The following DDB1 variants were observed in gnomAD, a reference collection of about 807,000 sequenced individuals.
DDB1 encodes the protein damage specific DNA binding protein 1, also known as DNA damage-binding protein 1.
DDB1 carries 18 observed loss-of-function variants against 133.1 expected under a neutral mutation model. The observed-to-expected ratio is 0.14, with a 90% CI of 0.09 to 0.20. The LOEUF is 0.20. DDB1 is among the 10% of genes least tolerant of loss of function. The pLI is 1.00. For missense variants in DDB1, 828 were observed against 1,459.2 expected, an observed-to-expected ratio of 0.57 and a Z score of 7.05; for synonymous variants, 580 against 550.5, an observed-to-expected ratio of 1.05 and a Z score of -0.75.
intron 21 of DDB1, among the ~76,000 whole-genome samples, chr11:61,305,977 T>G (rs1855875604): frequency 6.6e-6 from 1 of 152,268 alleles, no homozygotes; most frequent in Admixed American, 6.5e-5. Flanking sequence ...TGCTAATATT[T>G]TAGATATTGG....
intron 26 of DDB1, 134 bp downstream of exon 26, chr11:61,300,675 C>T (rs1855778322): frequency 2.2e-6 from 3 of 1,393,536 alleles, no homozygotes; most frequent in East Asian, 2.3e-5. Context: ...CTCCACCTTC[C>T]ATCTGGTAAG....
chr11:61,332,976 C>T lies in DDB1; in HGVS notation c.-8G>A, dbSNP rs1458523813. The T allele has an allele frequency of 1.3e-6, 2 of 1,505,962 alleles. No homozygotes were observed. The highest frequency in any genetic ancestry group is 2.5e-5 in the South Asian group (2 of 80,800). The allele number at this position is 1,505,962 out of a possible 1,614,324, so 93.3% of individuals were successfully genotyped here. On this transcript the variant is annotated 5_prime_UTR_variant, in exon 1 of 27. Coordinates refer to ENST00000301764, the MANE Select transcript of DDB1 (RefSeq NM_001923.5). ...CACGTAGTTGTACGACATGTCGAGG[C>T]TTGGAGCGGCCCGTCGGGACTCGAG... is the stretch of plus-strand genomic sequence containing the variant.
chr11:61,316,400 C>G lies in DDB1; in HGVS notation c.1302-7G>C, dbSNP rs376001303. On this transcript the variant is annotated splice_polypyrimidine_tract_variant and splice_region_variant and intron_variant, in intron 11 of 26. Transcript: ENST00000301764. Reference sequence around the variant, plus strand: ...TCCATTTAACATGAGAACTCTGCAGCAGAATGGAGGGCCTGGGTCAGCCTG... The same window carrying G: ...TCCATTTAACATGAGAACTCTGCAGGAGAATGGAGGGCCTGGGTCAGCCTG... 2 of 1,613,862 alleles carry G rather than the reference C, an allele frequency of 1.2e-6. No individual in the cohort carries two copies. The highest frequency in any genetic ancestry group is 1.7e-5 in the Admixed American group (1 of 60,018).
chr11:61,302,762 G>A lies in DDB1; in HGVS notation c.2943-11C>T, dbSNP rs1303453449. The A allele has an allele frequency of 6.2e-7, 1 of 1,614,022 alleles. No homozygotes were observed. Among genetic ancestry groups the A allele is most frequent in the Admixed American group, 1.7e-5 (1 of 60,024 alleles). Reference sequence around the variant, plus strand: ...TCAGTGGTGGCAGCGCTGAAAGGCGGTAAGAAAGTCACTTTCTGAACCTCC... The same window carrying A: ...TCAGTGGTGGCAGCGCTGAAAGGCGATAAGAAAGTCACTTTCTGAACCTCC... On this transcript the variant is annotated splice_polypyrimidine_tract_variant and intron_variant, in intron 23 of 26. Transcript: ENST00000301764.
intron 18 of DDB1, among the ~76,000 whole-genome samples, 156 bp downstream of exon 18, chr11:61,311,628 C>T (rs1378490111): frequency 6.6e-6 from 1 of 152,158 alleles, no homozygotes; most frequent in Non-Finnish European, 1.5e-5. Context: ...TCACCTGTTG[C>T]CTACAGCTGC....
At chr11:61,325,556 A>G in intron 6 of DDB1, 55 bp downstream of exon 6, 1 of 1,423,402 alleles carries the variant, frequency 7.0e-7, no homozygotes, top group Non-Finnish European at 9.8e-7. Context: ...GGGAGGAGCA[A>G]GGTGAGGACA....
At chr11:61,311,713 A>C in intron 18 of DDB1, 71 bp downstream of exon 18, 1 of 1,384,978 alleles carries the variant, frequency 7.2e-7, no homozygotes, top group Non-Finnish European at 9.9e-7. Context: ...GAAAGCCTTC[A>C]CTACCTGGCC....
intron 7 of DDB1, 118 bp downstream of exon 7, chr11:61,323,861 C>G: frequency 1.8e-6 from 2 of 1,135,844 alleles, no homozygotes; most frequent in Non-Finnish European, 2.6e-6. Flanking sequence ...GCAGGAACAA[C>G]AGTTTGTTGT....
chr11:61,301,182 G>A lies in DDB1; in HGVS notation c.3216-250C>T, dbSNP rs142370481. 1.3e-5 allele frequency: 6 copies of A among 466,978 alleles called. No individual in the cohort carries two copies. The East Asian group carries it at 2.2e-4, about 17-fold the overall frequency. The allele number at this position is 466,978 out of a possible 1,614,324, so 28.9% of individuals were successfully genotyped here. On this transcript the variant is annotated intron_variant, in intron 25 of 26. Transcript: ENST00000301764. ...AAAGTACAGATCAGAGTCTATTAAT[G>A]TGAAGCCCGTATATGTATGGAAGTT... is the stretch of plus-strand genomic sequence containing the variant.
chr11:61,329,507 G>A lies in DDB1; in HGVS notation c.405C>T (p.Leu135=), dbSNP rs775484527. The change falls in exon 4 of 27, where the codon CTC becomes CTT. Residue 135 remains leucine (L), a synonymous_variant. Transcript: ENST00000301764. The part of the protein sequence containing the change: ...DPECRMIGLR[L]YDGLFKVIPL... ...GAATAACCTTGAAAAGGCCATCATA[G>A]AGACGCAGGCCAATCATCCGGCACT... 8 of 1,614,058 alleles carry A rather than the reference G, an allele frequency of 5.0e-6. No individual in the cohort carries two copies. The Admixed American group carries it at 1.3e-4, about 27-fold the overall frequency.
Position 61,309,792 on chromosome 11 carries a change from T to C in DDB1, c.2566+4A>G. On this transcript the variant is annotated splice_donor_region_variant and intron_variant, in intron 20 of 26. Transcript: ENST00000301764. ...CTCAGAAACTGGAGACTGCGCCCAC[T>C]TACCATCCGAATACTGAAAGACCAC... The C allele has an allele frequency of 1.9e-6, 3 of 1,610,662 alleles. No homozygotes were observed. The highest frequency in any genetic ancestry group is 1.7e-6 in the Non-Finnish European group (2 of 1,178,008).
chr11:61,305,376 G>A (rs1247334208), intron 21 of DDB1, among the ~76,000 whole-genome samples: 11 of 152,118 alleles, frequency 7.2e-5, no homozygotes, highest in East Asian at 3.9e-4. Context: ...GCATTGTGAC[G>A]TGTGCCTGTA....
At chr11:61,300,976 C>G in intron 25 of DDB1, 44 bp from the exon 26 acceptor site, 1 of 1,610,744 alleles carries the variant, frequency 6.2e-7, no homozygotes, top group Non-Finnish European at 8.5e-7. Context: ...AGGAAACACC[C>G]TCCTCAGTCA....
chr11:61,309,241 T>C (rs1418509722), intron 20 of DDB1, among the ~76,000 whole-genome samples, 164 bp from the exon 21 acceptor site: 5 of 152,000 alleles, frequency 3.3e-5, no homozygotes, highest in African/African-American at 1.2e-4. Context: ...CCACGTGAAG[T>C]ATGAGCCCCA....
In DDB1 at chr11:61,321,692, G is replaced by A; in HGVS notation, c.1128C>T (p.Val376=). Residue 376 remains valine (V), a synonymous_variant, in exon 10 of 27, where the codon GTC becomes GTT. Coordinates refer to ENST00000301764, the MANE Select transcript of DDB1 (RefSeq NM_001923.5). ...CTTCCTTGAAAGCCCCAGAGCAAGT[G>A]ACCAGCTGCAAGCAGAGAAAACGTT... is the stretch of plus-strand genomic sequence containing the variant. ...DLERQGQGQL[V]TCSGAFKEGS... 2 of 1,614,112 alleles carry A rather than the reference G, an allele frequency of 1.2e-6. No homozygotes were observed. Among genetic ancestry groups the A allele is most frequent in the Non-Finnish European group, 1.7e-6 (2 of 1,180,014 alleles).
chr11:61,302,873 G>A, intron 23 of DDB1, 122 bp from the exon 24 acceptor site: 1 of 1,373,826 alleles, frequency 7.3e-7, no homozygotes, highest in Non-Finnish European at 1.0e-6. Context: ...CTCCACAGTA[G>A]GGGAGCCAGT....
At chr11:61,323,828 T>G in intron 7 of DDB1, 151 bp downstream of exon 7, 1 of 782,080 alleles carries the variant, frequency 1.3e-6, no homozygotes, top group Admixed American at 2.4e-5. Context: ...AATACCTAAC[T>G]CATTCAACAG....
intron 21 of DDB1, among the ~76,000 whole-genome samples, chr11:61,306,079 A>G (rs977032464): frequency 2.6e-5 from 4 of 152,220 alleles, no homozygotes; most frequent in Non-Finnish European, 5.9e-5. Context: ...CATCGCTCAT[A>G]TAATATTTCT....
At chr11:61,327,002 A>G in intron 4 of DDB1, 109 bp from the exon 5 acceptor site, 2 of 765,394 alleles carry the variant, frequency 2.6e-6, no homozygotes, top group South Asian at 3.2e-5. Context: ...CAGTCCTGTC[A>G]TGTCAGCCCT....
Sources: allele counts gnomAD v4.1 joint callset (sites outside exome capture counted in the v4.1 genomes callset), GRCh38; gene constraint gnomAD v4.1.1; transcripts MANE v1.5; gene names NCBI Gene and HGNC (gene_info 2026-07-23, HGNC 2026-07-21).